SGCG: variants seen among roughly 807,000 people sequenced by gnomAD.
SGCG encodes the protein gamma-sarcoglycan.
Under a neutral mutation model 29.3 loss-of-function variants are expected in SGCG, and 26 were observed. That is an observed-to-expected ratio of 0.89 (90% confidence interval 0.65 to 1.23). The LOEUF (loss-of-function observed/expected upper bound fraction) is 1.23, where lower values mean the gene tolerates loss of function less well. Ranked by LOEUF, SGCG falls within the 50% of genes most tolerant of loss-of-function variation. SGCG has a pLI of 0.00. For synonymous variants in SGCG, 145 were observed against 129.7 expected, an observed-to-expected ratio of 1.12 and a Z score of -0.80; for missense variants, 353 against 356.0, an observed-to-expected ratio of 0.99 and a Z score of 0.07.
intron 3 of SGCG, among the ~76,000 whole-genome samples, chr13:23,235,390 G>A (rs866895015): frequency 2.3e-3 from 350 of 150,082 alleles, no homozygotes; most frequent in African/African-American, 8.1e-3. Flanking sequence ...AAAAAAAAAA[G>A]AAAGAAATTT....
At chr13:23,308,086 A>G (rs1039143254) in intron 6 of SGCG, among the ~76,000 whole-genome samples, 11 of 152,246 alleles carry the variant, frequency 7.2e-5, no homozygotes, top group Admixed American at 6.5e-4. Flanking sequence ...TCATGAATTT[A>G]TAGACACTGA....
chr13:23,187,743 C>T (rs3794368), intron 1 of SGCG, among the ~76,000 whole-genome samples: 29,239 of 152,142 alleles, frequency 0.19, 3,015 homozygotes, highest in East Asian at 0.31. Flanking sequence ...GGCTCCTGAC[C>T]TGAGGCCTTG....
intron 1 of SGCG, among the ~76,000 whole-genome samples, chr13:23,190,084 A>AC (rs5802219): frequency 0.66 from 100,209 of 151,912 alleles, 33,850 homozygotes; most frequent in African/African-American, 0.81. Context: ...AGTGTTTAAT[A>AC]ATGAGGGGAA....
intron 2 of SGCG, among the ~76,000 whole-genome samples, chr13:23,215,323 T>TC (rs1343098836): frequency 6.6e-6 from 1 of 152,232 alleles, no homozygotes; most frequent in Non-Finnish European, 1.5e-5. Context: ...ATAGTTTTTT[T>TC]CTCACAAATG....
intron 2 of SGCG, among the ~76,000 whole-genome samples, chr13:23,220,382 G>A (rs2137526693): frequency 6.6e-6 from 1 of 152,292 alleles, no homozygotes; most frequent in Admixed American, 6.5e-5. Context: ...CCAGGGAGGA[G>A]GAGGTTGCGA....
intron 4 of SGCG, among the ~76,000 whole-genome samples, chr13:23,269,698 T>C (rs550322819): frequency 2.2e-4 from 33 of 152,274 alleles, no homozygotes; most frequent in Non-Finnish European, 4.6e-4. Flanking sequence ...ATCTTCCTTA[T>C]TATTTTTCAC....
chr13:23,202,598 A>G (rs1326087135), intron 1 of SGCG, among the ~76,000 whole-genome samples: 4 of 152,198 alleles, frequency 2.6e-5, no homozygotes, highest in Non-Finnish European at 4.4e-5. Flanking sequence ...AAATCATTAA[A>G]CATTTAGGGG....
At chr13:23,182,883 T>C (rs1876799689) in intron 1 of SGCG, among the ~76,000 whole-genome samples, 1 of 152,122 alleles carries the variant, frequency 6.6e-6, no homozygotes, top group Admixed American at 6.5e-5. Context: ...GTCACATGGG[T>C]GCTTTGGAAG....
intron 6 of SGCG, among the ~76,000 whole-genome samples, chr13:23,298,206 A>C (rs1034788785): frequency 2.0e-5 from 3 of 151,866 alleles, no homozygotes; most frequent in Non-Finnish European, 4.4e-5. Flanking sequence ...AAATACAAAA[A>C]TTAGCCAGGC....
At chr13:23,233,837 C>A (rs778887726) in intron 2 of SGCG, among the ~76,000 whole-genome samples, 3 of 151,958 alleles carry the variant, frequency 2.0e-5, no homozygotes, top group Non-Finnish European at 4.4e-5. Context: ...GTAGGGAGGA[C>A]GAGCCTGTTA....
chr13:23,264,027 G>A lies in SGCG; in HGVS notation c.385+13310G>A, dbSNP rs559969229. 1.8e-4 allele frequency among the ~76,000 whole-genome samples: 28 copies of A among 151,842 alleles called. No individual in the cohort carries two copies. The South Asian group carries it at 4.4e-3, about 24-fold the overall frequency. On this transcript the variant is annotated intron_variant, in intron 4 of 7. Coordinates refer to ENST00000218867, the MANE Select transcript of SGCG (RefSeq NM_000231.3). Reference sequence around the variant, plus strand: ...CCTAAGAACTATTACAGAACAAGACGAGGATGCCCATTTTCACCACTTGTA... The same window carrying A: ...CCTAAGAACTATTACAGAACAAGACAAGGATGCCCATTTTCACCACTTGTA...
the SGCG span, among the ~76,000 whole-genome samples, chr13:23,166,421 C>G: frequency 1.3e-5 from 2 of 152,072 alleles, no homozygotes; most frequent in African/African-American, 2.4e-5. Context: ...GTCTCAATCT[C>G]TTGACCTCGT....
At chr13:23,212,590 A>G (rs989793981) in intron 2 of SGCG, among the ~76,000 whole-genome samples, 2 of 152,260 alleles carry the variant, frequency 1.3e-5, no homozygotes, top group Admixed American at 1.3e-4. Context: ...AAAGTAACCT[A>G]GAAAAAGCAC....
chr13:23,309,878 G>T (rs482188), intron 6 of SGCG, among the ~76,000 whole-genome samples: 83,418 of 151,690 alleles, frequency 0.55, 24,195 homozygotes, highest in East Asian at 0.84. Flanking sequence ...GGTCCATTTT[G>T]GTTGTTTCCT....
intron 2 of SGCG, among the ~76,000 whole-genome samples, chr13:23,211,950 G>A (rs1263777878): frequency 6.6e-6 from 1 of 152,124 alleles, no homozygotes; most frequent in African/African-American, 2.4e-5. Flanking sequence ...TTGGATCATG[G>A]GGGCAGGTCC....
chr13:23,320,597 CTT>C lies in SGCG; in HGVS notation c.579-24_579-23del, dbSNP rs67528585. The C allele has an allele frequency of 4.2e-3, 5,476 of 1,309,566 alleles. 1 individual carries two copies. The highest frequency in any genetic ancestry group is 0.012 in the East Asian group (435 of 35,982). The allele number at this position is 1,309,566 out of a possible 1,614,324, so 81.1% of individuals were successfully genotyped here. A position where few individuals can be genotyped will look rare whatever the true frequency, so the allele number is the denominator to read the frequency against. The stretch of plus-strand genomic sequence containing the variant: ...ATTGCTGGAGTGGCTATTTTTAATA[CTT>C]TTTTTTTTTTTTTTTGTGCTTCTTT... On this transcript the variant is annotated intron_variant, in intron 6 of 7. Transcript: ENST00000218867.
rs368780560 is a variant in SGCG at position 23,229,833 on chromosome 13, C to T, written c.196-4778C>T. The stretch of plus-strand genomic sequence containing the variant: ...TTGGCTTCTGTTGCAGTTGATTTTG[C>T]TGTTTTCATCATGAAATTTTTGCTG... On this transcript the variant is annotated intron_variant, in intron 2 of 7. Transcript: ENST00000218867. Among the ~76,000 whole-genome samples, 498 of 152,208 alleles carry T rather than the reference C, an allele frequency of 3.3e-3. 3 individuals are homozygous for T. Among genetic ancestry groups the T allele is most frequent in the African/African-American group, 0.011 (468 of 41,520 alleles).
intron 5 of SGCG, among the ~76,000 whole-genome samples, chr13:23,281,535 G>A (rs543351449): frequency 6.6e-6 from 1 of 152,246 alleles, no homozygotes; most frequent in South Asian, 2.1e-4. Context: ...ACATGAATCA[G>A]CAGGAGAAAC....
At chr13:23,202,303 G>C (rs1300639609) in intron 1 of SGCG, among the ~76,000 whole-genome samples, 1 of 152,202 alleles carries the variant, frequency 6.6e-6, no homozygotes, top group Non-Finnish European at 1.5e-5. Context: ...ACTGCTGGGT[G>C]GGGAATGGTT....
Sources: allele counts gnomAD v4.1 joint callset (sites outside exome capture counted in the v4.1 genomes callset), GRCh38; gene constraint gnomAD v4.1.1; transcripts MANE v1.5; gene names NCBI Gene and HGNC (gene_info 2026-07-23, HGNC 2026-07-21).